TLK1: variants seen among roughly 807,000 people sequenced by gnomAD.
TLK1 encodes the protein tousled like kinase 1.
In TLK1, 24 loss-of-function variants were observed where a neutral mutation model predicts 105.3. The ratio of observed to expected loss-of-function variants is 0.23; its 90% CI spans 0.17 to 0.32. The LOEUF (loss-of-function observed/expected upper bound fraction) is 0.32. Among genes scored for constraint, TLK1 ranks in the 10% least tolerant of loss-of-function variants. TLK1 has a pLI of 1.00. For synonymous variants in TLK1, 321 were observed against 310.4 expected (o/e 1.03, Z -0.36); for missense variants, 558 against 910.5 (o/e 0.61, Z 4.98).
intron 18 of TLK1, among the ~76,000 whole-genome samples, chr2:170,999,521 T>G (rs566179068): frequency 6.6e-6 from 1 of 152,304 alleles, no homozygotes; most frequent in African/African-American, 2.4e-5. Context: ...GAAATTGACG[T>G]CAAAGTAACT....
At chr2:171,131,690 T>C (rs550305298) in intron 1 of TLK1, among the ~76,000 whole-genome samples, 1 of 152,202 alleles carries the variant, frequency 6.6e-6, no homozygotes, top group Non-Finnish European at 1.5e-5. Flanking sequence ...TTTCCCTTTT[T>C]ACCCGTAATC....
chr2:171,048,233 G>A (rs1390739108), intron 10 of TLK1, among the ~76,000 whole-genome samples: 1 of 152,226 alleles, frequency 6.6e-6, no homozygotes, highest in Non-Finnish European at 1.5e-5. Flanking sequence ...ACAGGCGTGA[G>A]CCACTGCACC....
At chr2:171,122,372 T>G (rs1245456217) in intron 1 of TLK1, among the ~76,000 whole-genome samples, 3 of 152,200 alleles carry the variant, frequency 2.0e-5, no homozygotes, top group African/African-American at 7.2e-5. Flanking sequence ...GCCTTGCTAC[T>G]TAAACTACAG....
At chr2:171,033,185 G>C (rs1220822265) in intron 11 of TLK1, among the ~76,000 whole-genome samples, 1 of 151,902 alleles carries the variant, frequency 6.6e-6, no homozygotes, top group East Asian at 1.9e-4. Context: ...CAGCCTGGGT[G>C]ACAGAGCAAG....
At chr2:171,084,551 T>C (rs1312675521) in intron 2 of TLK1, among the ~76,000 whole-genome samples, 1 of 152,232 alleles carries the variant, frequency 6.6e-6, no homozygotes, top group East Asian at 1.9e-4. Context: ...AGAAAAGCCA[T>C]CCTGAACCAC....
chr2:171,017,530 T>C (rs775053705), intron 12 of TLK1, among the ~76,000 whole-genome samples: 12 of 152,340 alleles, frequency 7.9e-5, no homozygotes, highest in Non-Finnish European at 1.6e-4. Flanking sequence ...AAGATTCAAA[T>C]AGGTTGTTGA....
chr2:171,125,776 A>G (rs577135939), intron 1 of TLK1, among the ~76,000 whole-genome samples: 41 of 152,196 alleles, frequency 2.7e-4, no homozygotes, highest in Non-Finnish European at 4.9e-4. Flanking sequence ...GGTTACATGA[A>G]TAAGTTCTTT....
chr2:171,188,790 C>T (rs540030121), intron 1 of TLK1, among the ~76,000 whole-genome samples: 15 of 150,654 alleles, frequency 1.0e-4, no homozygotes, highest in Non-Finnish European at 1.9e-4. Flanking sequence ...AGGAGAATCA[C>T]TTGAACCCAG....
At chr2:171,129,692 T>C (rs1053275843) in intron 1 of TLK1, among the ~76,000 whole-genome samples, 7 of 151,810 alleles carry the variant, frequency 4.6e-5, no homozygotes, top group Admixed American at 2.6e-4. Context: ...ATTTAAAAAA[T>C]TATCCAGGCA....
chr2:171,183,095 A>C (rs1227593571), intron 1 of TLK1, among the ~76,000 whole-genome samples: 1 of 152,208 alleles, frequency 6.6e-6, no homozygotes, highest in African/African-American at 2.4e-5. Flanking sequence ...TCTGAAAATG[A>C]AGTTTAAAAA....
chr2:171,219,196 A>G (rs1693765117), intron 1 of TLK1, among the ~76,000 whole-genome samples: 1 of 152,204 alleles, frequency 6.6e-6, no homozygotes. Flanking sequence ...CAGCTTCACT[A>G]GGCCAAAAGC....
intron 1 of TLK1, among the ~76,000 whole-genome samples, chr2:171,128,581 G>A (rs886992413): frequency 6.6e-6 from 1 of 152,070 alleles, no homozygotes; most frequent in Admixed American, 6.6e-5. Context: ...TCTTCCTGGG[G>A]TTAGAAGTTC....
intron 1 of TLK1, among the ~76,000 whole-genome samples, chr2:171,122,197 C>G (rs976737777): frequency 1.3e-5 from 2 of 152,178 alleles, no homozygotes; most frequent in Non-Finnish European, 2.9e-5. Context: ...ATCTCTTGAC[C>G]TCGTGAATTA....
chr2:171,017,715 A>G (rs967190451), intron 12 of TLK1, among the ~76,000 whole-genome samples: 1 of 152,228 alleles, frequency 6.6e-6, no homozygotes, highest in Admixed American at 6.5e-5. Flanking sequence ...ATCTTACAAA[A>G]TCAAAGCACA....
chr2:171,227,598 T>TTTTTTTTTA (rs1693926116), intron 1 of TLK1, among the ~76,000 whole-genome samples: 2 of 104,152 alleles, frequency 1.9e-5, no homozygotes, highest in African/African-American at 3.8e-5. Flanking sequence ...TTTTTTTTTT[T>TTTTTTTTTA]GTTTAAGCCA....
At chr2:171,214,394 C>A (rs1263540545) in intron 1 of TLK1, among the ~76,000 whole-genome samples, 1 of 152,124 alleles carries the variant, frequency 6.6e-6, no homozygotes, top group Non-Finnish European at 1.5e-5. Flanking sequence ...CTGAGAATGA[C>A]ATGTGCGCAT....
chr2:171,119,624 A>G (rs1401096030), intron 1 of TLK1, among the ~76,000 whole-genome samples: 4 of 152,262 alleles, frequency 2.6e-5, no homozygotes, highest in Non-Finnish European at 5.9e-5. Context: ...ATAAAGACAG[A>G]CATATATATA....
intron 3 of TLK1, among the ~76,000 whole-genome samples, chr2:171,067,916 C>A (rs1379676647): frequency 1.3e-5 from 2 of 152,160 alleles, no homozygotes; most frequent in African/African-American, 4.8e-5. Context: ...ATGATGGTTT[C>A]CAGCTTCATC....
chr2:171,105,774 G>C (rs1689897566), intron 2 of TLK1, among the ~76,000 whole-genome samples: 3 of 152,002 alleles, frequency 2.0e-5, no homozygotes, highest in African/African-American at 7.3e-5. Flanking sequence ...GTGCGAATTA[G>C]TATAGCCATT....
Sources: allele counts gnomAD v4.1 joint callset (sites outside exome capture counted in the v4.1 genomes callset), GRCh38; gene constraint gnomAD v4.1.1; transcripts MANE v1.5; gene names NCBI Gene and HGNC (gene_info 2026-07-23, HGNC 2026-07-21).